Variants in NOS3 observed in about 807,000 individuals in gnomAD.
The protein encoded by NOS3 is nitric oxide synthase 3.
A neutral mutation model predicts 144.9 loss-of-function variants in NOS3; 98 were observed. The ratio of observed to expected loss-of-function variants is 0.68; its 90% confidence interval spans 0.57 to 0.80. NOS3 has a LOEUF of 0.80. Among genes scored for constraint, NOS3 ranks in the 30% least tolerant of loss-of-function variants. The probability of loss-of-function intolerance (pLI) is 0.00; values close to 1 mark genes in which losing one functional copy is unlikely to be tolerated. For synonymous variants in NOS3, 714 were observed against 702.4 expected, an observed-to-expected ratio of 1.02 and a Z score of -0.26; for missense variants, 1,465 against 1,656.4, an observed-to-expected ratio of 0.88 and a Z score of 2.01.
rs1795114253 is a variant in NOS3, at chr7:151,001,939, C to A, written c.1621C>A (p.Leu541Ile). The change falls in exon 13 of 27, where the codon CTC becomes ATC. Residue 541 changes from leucine (L) to isoleucine (I), a missense_variant. This residue lies in a region of NOS3 where 745 missense variants were observed against 853.9 expected (regional missense o/e 0.87). Transcript: ENST00000297494. ...AQSYAQQLGR[L>I]FRKAFDPRVL... ...GAGCTACGCACAGCAGCTGGGGAGA[C>A]TCTTCCGGAAGGCTTTTGATCCCCG... 1 of 1,613,426 alleles carries A rather than the reference C, an allele frequency of 6.2e-7. No individual in the cohort carries two copies. Among genetic ancestry groups the A allele is most frequent in the Non-Finnish European group, 8.5e-7 (1 of 1,180,018 alleles).
chr7:151,009,728 G>T lies in NOS3; in HGVS notation c.2512+143G>T, dbSNP rs560314792. On this transcript the variant is annotated intron_variant, in intron 20 of 26. Transcript: ENST00000297494. ...TCAGCAGGCAGGCTCAGAGCTGGCT[G>T]TGCTGCCCACTGCCGGGCTGGCCTT... 1.7e-5 allele frequency: 12 copies of T among 716,496 alleles called. No homozygotes were observed. The South Asian group carries it at 2.3e-4, about 14-fold the overall frequency. The allele number at this position is 716,496 out of a possible 1,614,324, so 44.4% of individuals were successfully genotyped here. A position where few individuals can be genotyped will look rare whatever the true frequency, so the allele number is the denominator to read the frequency against.
At position 151,014,144 on chromosome 7, in the gene NOS3, C is replaced by G; in HGVS notation, c.3587C>G (p.Pro1196Arg). 1.2e-6 allele frequency: 2 copies of G among 1,609,338 alleles called. No individual in the cohort carries two copies. Among genetic ancestry groups the G allele is most frequent in the Non-Finnish European group, 1.7e-6 (2 of 1,176,980 alleles). ...GCAGTGCCCTGGGCGTTCGACCCTCCCGGCTCAGACACCAACAGCCCCTGA... is the reference window on the plus strand; with the variant it reads ...GCAGTGCCCTGGGCGTTCGACCCTCGCGGCTCAGACACCAACAGCCCCTGA... ...RGAVPWAFDP[P>R]GSDTNSP Residue 1196 changes from proline (P) to arginine (R), a missense_variant, in exon 27 of 27, where the codon CCC becomes CGC. By Grantham distance (103) the Pro-to-Arg change is moderately radical. Around this residue, in one of 5 missense-constraint regions of NOS3, gnomAD observed 228 missense variants for 227.7 expected, o/e 1.00. Coordinates refer to ENST00000297494, the MANE Select transcript of NOS3 (RefSeq NM_000603.5).
At position 150,996,441 on chromosome 7, in the gene NOS3, T is replaced by C; in HGVS notation, c.308T>C (p.Leu103Pro). Residue 103 changes from leucine (L) to proline (P), a missense_variant, in exon 4 of 27, where the codon CTG becomes CCG. Physicochemically the swap from Leu to Pro is moderately conservative, Grantham distance 98. This residue lies in a region of NOS3 where 374 missense variants were observed against 377.0 expected (regional missense o/e 0.99). Coordinates refer to ENST00000297494, the MANE Select transcript of NOS3 (RefSeq NM_000603.5). ...ACCCCAAGACGCTGCCTGGGCTCCC[T>C]GGTATTTCCACGGAAACTACAGGGC... ...PCTPRRCLGS[L>P]VFPRKLQGRP... The C allele has an allele frequency of 2.6e-6, 4 of 1,535,708 alleles. No homozygotes were observed. The highest frequency in any genetic ancestry group is 3.5e-6 in the Non-Finnish European group (4 of 1,142,868).
chr7:151,008,433 T>A (rs1409667232), intron 17 of NOS3, among the ~76,000 whole-genome samples: 1 of 151,974 alleles, frequency 6.6e-6, no homozygotes, highest in Non-Finnish European at 1.5e-5. Context: ...CCCCGTGGGG[T>A]CCCCTCTGCC....
chr7:150,995,668 G>C (rs1296768245), intron 3 of NOS3, among the ~76,000 whole-genome samples: 1 of 362 alleles, frequency 2.8e-3, no homozygotes, highest in Admixed American at 0.031. Flanking sequence ...TCCCACCCCT[G>C]CACCCCTCCT....
rs1747622900 is a variant in NOS3, at chr7:151,003,390, T to C, written c.1752+1086T>C. 1 of 1,226,620 alleles carries C rather than the reference T, an allele frequency of 8.2e-7. No homozygotes were observed. Among genetic ancestry groups the C allele is most frequent in the Non-Finnish European group, 1.1e-6 (1 of 950,102 alleles). The allele number at this position is 1,226,620 out of a possible 1,614,324, so 76.0% of individuals were successfully genotyped here. A position where few individuals can be genotyped will look rare whatever the true frequency, so the allele number is the denominator to read the frequency against. ...ATCCACCTGCCTCGGCCTCCCAAAG[T>C]GCTGCGATTATAGACGTGAGCCACT... is the stretch of plus-strand genomic sequence containing the variant. On this transcript the variant is annotated intron_variant, in intron 14 of 26. Transcript: ENST00000297494. The surrounding 1 kb of genome is among the most constrained non-coding windows in gnomAD (Gnocchi z 4.1).
intron 15 of NOS3, 100 bp downstream of exon 15, chr7:151,006,594 G>A (rs944205624): frequency 4.5e-5 from 48 of 1,058,598 alleles, no homozygotes; most frequent in African/African-American, 1.9e-4. Context: ...GCCTCAAGTC[G>A]TTTTCCCACC....
At chr7:151,010,327 C>G (rs3730010) in intron 21 of NOS3, 40 bp downstream of exon 21, 1 of 1,569,888 alleles carries the variant, frequency 6.4e-7, no homozygotes, top group South Asian at 1.2e-5. Flanking sequence ...GCTAGAGAGA[C>G]GGGATGAGCT....
At position 150,993,518 on chromosome 7, in the gene NOS3, C is replaced by T. The variant is rs1261586186; in HGVS notation, c.-51-235C>T. On this transcript the variant is annotated intron_variant, in intron 1 of 26. Coordinates refer to ENST00000297494, the MANE Select transcript of NOS3 (RefSeq NM_000603.5). This position sits in a 1 kb window ranked among gnomAD's most constrained non-coding sequence, Gnocchi z 4.0. The stretch of plus-strand genomic sequence containing the variant: ...CAATGCCCCAGCCCCCATGCTGCAG[C>T]CCCAGGGCTCTGCTGGACACCTGGG... 6.6e-6 allele frequency among the ~76,000 whole-genome samples: 1 copy of T among 152,204 alleles called. No individual in the cohort carries two copies. Among genetic ancestry groups the T allele is most frequent in the African/African-American group, 2.4e-5 (1 of 41,450 alleles).
chr7:151,013,798 C>G lies in NOS3; in HGVS notation c.3330C>G (p.His1110Gln), dbSNP rs750755652. Reference protein sequence around the residue: ...VHRVLCLERGHMFVCGDVTMA... With the variant: ...VHRVLCLERGQMFVCGDVTMA... ...GCGTGCTGTGCCTCGAGCGGGGCCA[C>G]ATGTTTGTCTGCGGCGATGTTACCA... The change falls in exon 26 of 27, where the codon CAC becomes CAG. Residue 1110 changes from histidine (H) to glutamine (Q), a missense_variant. His to Gln is a conservative substitution (Grantham distance 24). Coordinates refer to ENST00000297494, the MANE Select transcript of NOS3 (RefSeq NM_000603.5). The G allele has an allele frequency of 1.9e-6, 3 of 1,610,864 alleles. No individual in the cohort carries two copies. Among genetic ancestry groups the G allele is most frequent in the Non-Finnish European group, 2.5e-6 (3 of 1,179,094 alleles).
Position 150,998,639 on chromosome 7 carries a change from G to T in NOS3, c.775G>T (p.Gly259Cys). The change falls in exon 7 of 27, where the codon GGC becomes TGC. Residue 259 changes from glycine to cysteine, a missense_variant. Coordinates refer to ENST00000297494, the MANE Select transcript of NOS3 (RefSeq NM_000603.5). This position sits in a 1 kb window ranked among gnomAD's most constrained non-coding sequence, Gnocchi z 5.0. The part of the protein sequence containing the change: ...VRYAGYRQQD[G>C]SVRGDPANVE... ...CTACGCGGGCTACCGGCAGCAGGATGGCTCTGTGCGGGGGGACCCAGCCAA... is the reference window on the plus strand; with the variant it reads ...CTACGCGGGCTACCGGCAGCAGGATTGCTCTGTGCGGGGGGACCCAGCCAA... The T allele has an allele frequency of 1.2e-6, 2 of 1,608,204 alleles. No homozygotes were observed. The highest frequency in any genetic ancestry group is 1.7e-4 in the Middle Eastern group (1 of 6,034).
At position 151,012,381 on chromosome 7, in the gene NOS3, C is replaced by T; in HGVS notation, c.3015C>T (p.Pro1005=). 3.1e-6 allele frequency: 5 copies of T among 1,588,192 alleles called. No homozygotes were observed. The highest frequency in any genetic ancestry group is 4.3e-6 in the Non-Finnish European group (5 of 1,167,798). Residue 1005 remains proline, a synonymous_variant, in exon 24 of 27, where the codon CCC becomes CCT. Transcript: ENST00000297494. ...CCTCCTTCCGGCTGCCACCCGATCCCAGCTTGCCCTGCATCCTGGTGGGTC... is the reference window on the plus strand; with the variant it reads ...CCTCCTTCCGGCTGCCACCCGATCCTAGCTTGCCCTGCATCCTGGTGGGTC... ...GAPSFRLPPD[P]SLPCILVGPG... is the part of the protein sequence containing the mutation.
At position 150,998,263 on chromosome 7, in the gene NOS3, C is replaced by T. The variant is rs1015318606; in HGVS notation, c.583-94C>T. ...AGGGCGCCATGGAGTGAACCATGGC[C>T]CCTGCCTCCTCACCAGCAGCTCCTC... On this transcript the variant is annotated intron_variant, in intron 5 of 26. Transcript: ENST00000297494. This position sits in a 1 kb window ranked among gnomAD's most constrained non-coding sequence, Gnocchi z 5.0. 9.0e-7 allele frequency: 1 copy of T among 1,109,192 alleles called. No individual in the cohort carries two copies. Among genetic ancestry groups the T allele is most frequent in the African/African-American group, 1.5e-5 (1 of 65,174 alleles). The allele number at this position is 1,109,192 out of a possible 1,614,324, so 68.7% of individuals were successfully genotyped here.
chr7:150,992,706 C>T (rs1262168269), intron 1 of NOS3, among the ~76,000 whole-genome samples: 1 of 148,928 alleles, frequency 6.7e-6, no homozygotes, highest in Non-Finnish European at 1.5e-5. Flanking sequence ...GTCTGTCTGT[C>T]TGCTGCTCCT....
chr7:150,998,577 G>A lies in NOS3; in HGVS notation c.713G>A (p.Arg238Gln), dbSNP rs145740130. 55 of 1,608,872 alleles carry A rather than the reference G, an allele frequency of 3.4e-5. No homozygotes were observed. The East Asian group carries it at 9.4e-4, about 27-fold the overall frequency. Residue 238 changes from arginine to glutamine, a missense_variant, in exon 7 of 27, where the codon CGA (arginine) becomes CAA (glutamine). This residue lies in a region of NOS3 where 374 missense variants were observed against 377.0 expected (regional missense o/e 0.99). Transcript: ENST00000297494. This position sits in a 1 kb window ranked among gnomAD's most constrained non-coding sequence, Gnocchi z 5.0. ...GTGTTCCCGCAGCGCTGCCCTGGCC[G>A]AGGAGACTTCCGAATCTGGAACAGC... ...ITVFPQRCPGRGDFRIWNSQL... is the reference protein window; with the variant it reads ...ITVFPQRCPGQGDFRIWNSQL...
In NOS3 at chr7:151,001,815, C is replaced by T; in HGVS notation, c.1503-6C>T. ...CAGGACACCCTCACACCTTCCTCTCCCGCAGCGCCGTGAAGATCTCCGCCT... is the reference window on the plus strand; with the variant it reads ...CAGGACACCCTCACACCTTCCTCTCTCGCAGCGCCGTGAAGATCTCCGCCT... On this transcript the variant is annotated splice_polypyrimidine_tract_variant and splice_region_variant and intron_variant, in intron 12 of 26. Coordinates refer to ENST00000297494, the MANE Select transcript of NOS3 (RefSeq NM_000603.5). The T allele has an allele frequency of 6.2e-7, 1 of 1,613,638 alleles. No homozygotes were observed. Among genetic ancestry groups the T allele is most frequent in the Non-Finnish European group, 8.5e-7 (1 of 1,179,978 alleles).
rs1334051259 is a variant in NOS3 at position 151,013,365 on chromosome 7, C to A, written c.3241C>A (p.Pro1081Thr). ...GRVLTAFSRE[P>T]DNPKTYVQDI... ...AGTCCTCACCGCCTTCTCCCGGGAA[C>A]CTGACAACCCCAAGGTGTGAGACCC... The change falls in exon 25 of 27, where the codon CCT (proline) becomes ACT (threonine). Residue 1081 changes from proline to threonine, a missense_variant. Coordinates refer to ENST00000297494, the MANE Select transcript of NOS3 (RefSeq NM_000603.5). 5 of 1,613,254 alleles carry A rather than the reference C, an allele frequency of 3.1e-6. No individual in the cohort carries two copies. The highest frequency in any genetic ancestry group is 4.2e-6 in the Non-Finnish European group (5 of 1,179,708).
intron 9 of NOS3, among the ~76,000 whole-genome samples, chr7:150,999,711 T>C (rs531562050): frequency 1.6e-5 from 2 of 126,772 alleles, no homozygotes; most frequent in Admixed American, 7.8e-5. Flanking sequence ...TTTGTGGGTG[T>C]GTATAGGCAG....
chr7:151,009,430 G>T lies in NOS3; in HGVS notation c.2357G>T (p.Gly786Val). 2 of 1,546,508 alleles carry T rather than the reference G, an allele frequency of 1.3e-6. No homozygotes were observed. Among genetic ancestry groups the T allele is most frequent in the Non-Finnish European group, 1.7e-6 (2 of 1,145,360 alleles). ...ACCATCCTGGTGCGCCTGGACACCGGAGGCCAGGAGGGGCTGCAGTACCAG... is the reference window on the plus strand; with the variant it reads ...ACCATCCTGGTGCGCCTGGACACCGTAGGCCAGGAGGGGCTGCAGTACCAG... ...RATILVRLDT[G>V]GQEGLQYQPG... The change falls in exon 20 of 27, where the codon GGA becomes GTA. Residue 786 changes from glycine to valine, a missense_variant. Coordinates refer to ENST00000297494, the MANE Select transcript of NOS3 (RefSeq NM_000603.5).
Sources: allele counts gnomAD v4.1 joint callset (sites outside exome capture counted in the v4.1 genomes callset), GRCh38; gene constraint gnomAD v4.1.1; regional missense constraint gnomAD v4.1.1; non-coding constraint Gnocchi (gnomAD v3.1); transcripts MANE v1.5; gene names NCBI Gene and HGNC (gene_info 2026-07-23, HGNC 2026-07-21).